Variants in ZBTB7C observed in about 807,000 individuals in gnomAD.
The protein encoded by ZBTB7C is zinc finger and BTB domain-containing protein 7C.
ZBTB7C carries 8 observed loss-of-function variants against 25.7 expected under a neutral mutation model. The observed-to-expected ratio is 0.31, with a 90% confidence interval of 0.18 to 0.56. The LOEUF is 0.56. ZBTB7C is among the 20% of genes least tolerant of loss of function. ZBTB7C has a pLI of 0.91. For missense variants in ZBTB7C, 824 were observed against 855.2 expected, an observed-to-expected ratio of 0.96 and a Z score of 0.46; for synonymous variants, 394 against 369.0, an observed-to-expected ratio of 1.07 and a Z score of -0.78.
At chr18:48,236,935 T>C (rs1261472077) in intron 2 of ZBTB7C, among the ~76,000 whole-genome samples, 1 of 152,126 alleles carries the variant, frequency 6.6e-6, no homozygotes, top group East Asian at 1.9e-4. Context: ...CAGGGGATCA[T>C]GGAGCAATCC....
chr18:48,285,615 G>A (rs117108460), intron 2 of ZBTB7C, among the ~76,000 whole-genome samples: 2 of 152,128 alleles, frequency 1.3e-5, no homozygotes, highest in Admixed American at 1.3e-4. Flanking sequence ...TCCTCTCAAA[G>A]TGCTGGGATT....
At chr18:48,177,700 T>G (rs1456131045) in intron 3 of ZBTB7C, among the ~76,000 whole-genome samples, 1 of 152,020 alleles carries the variant, frequency 6.6e-6, no homozygotes, top group East Asian at 2.0e-4. Context: ...TCCAAGAACT[T>G]GGGGCCAAGG....
chr18:48,204,770 C>G (rs1208340834), intron 2 of ZBTB7C, among the ~76,000 whole-genome samples: 1 of 152,190 alleles, frequency 6.6e-6, no homozygotes, highest in African/African-American at 2.4e-5. Context: ...TCCACCCTCT[C>G]TCCCAACACA....
At chr18:48,151,914 C>T (rs182163647) in intron 3 of ZBTB7C, among the ~76,000 whole-genome samples, 5 of 152,202 alleles carry the variant, frequency 3.3e-5, no homozygotes, top group African/African-American at 4.8e-5. Flanking sequence ...TGTAGATATG[C>T]GGGTGGGGAA....
chr18:48,077,062 CAAAAAAA>C (rs10539603), intron 3 of ZBTB7C: 3 of 400,382 alleles, frequency 7.5e-6, no homozygotes, highest in Non-Finnish European at 9.6e-6. Context: ...TTGTTATATG[CAAAAAAA>C]AAAAAAAAAA....
At chr18:48,206,833 G>T (rs2042586726) in intron 2 of ZBTB7C, among the ~76,000 whole-genome samples, 1 of 152,032 alleles carries the variant, frequency 6.6e-6, no homozygotes, top group South Asian at 2.1e-4. Context: ...GACAGAAAAA[G>T]CACTGACCAG....
chr18:48,040,622 C>G lies in ZBTB7C; in HGVS notation c.486G>C (p.Glu162Asp), dbSNP rs777637612. The G allele has an allele frequency of 3.1e-6, 5 of 1,613,160 alleles. No individual in the cohort carries two copies. Among genetic ancestry groups the G allele is most frequent in the Non-Finnish European group, 4.2e-6 (5 of 1,179,404 alleles). Reference protein sequence around the residue: ...EDEEEEEEEEEDDDDDTEDFA... With the variant: ...EDEEEEEEEEDDDDDDTEDFA... ...AGTCCTCCGTGTCATCATCGTCATC[C>G]TCCTCCTCTTCCTCCTCCTCCTCTT... Residue 162 changes from glutamate (E) to aspartate (D), a missense_variant, in exon 4 of 5, where the codon GAG becomes GAC. Transcript: ENST00000590800.
chr18:48,347,212 TCTC>T (rs1397994011), intron 1 of ZBTB7C, among the ~76,000 whole-genome samples: 1 of 138,418 alleles, frequency 7.2e-6, no homozygotes, highest in Non-Finnish European at 1.6e-5. Context: ...TTCAAGCCAT[TCTC>T]CTGCCACGGC....
chr18:48,082,468 C>A (rs1371013058), intron 3 of ZBTB7C, among the ~76,000 whole-genome samples: 1 of 152,162 alleles, frequency 6.6e-6, no homozygotes. Context: ...AGGGAAGCAA[C>A]GGGCTCAAAG....
intron 2 of ZBTB7C, among the ~76,000 whole-genome samples, chr18:48,324,634 G>A (rs1451911846): frequency 3.3e-5 from 5 of 152,114 alleles, no homozygotes; most frequent in Admixed American, 2.6e-4. Context: ...AGGCTGATGA[G>A]GTGAGCAGAA....
chr18:48,166,755 G>A (rs1039237937), intron 3 of ZBTB7C, among the ~76,000 whole-genome samples: 15 of 152,204 alleles, frequency 9.9e-5, no homozygotes, highest in Admixed American at 3.9e-4. Flanking sequence ...GGGGCGAGCC[G>A]TAGATGGACC....
intron 3 of ZBTB7C, among the ~76,000 whole-genome samples, chr18:48,087,081 A>G (rs2038218920): frequency 6.6e-6 from 1 of 152,164 alleles, no homozygotes; most frequent in Non-Finnish European, 1.5e-5. Context: ...TCTGCCCAGG[A>G]TTGTGCACAT....
chr18:48,181,086 G>C (rs1053644151), intron 3 of ZBTB7C, among the ~76,000 whole-genome samples: 11 of 152,172 alleles, frequency 7.2e-5, no homozygotes, highest in Non-Finnish European at 1.3e-4. Flanking sequence ...AATGTAAAAT[G>C]GTTGAAATAG....
intron 2 of ZBTB7C, among the ~76,000 whole-genome samples, chr18:48,257,507 A>T (rs1011120308): frequency 6.6e-6 from 1 of 152,180 alleles, no homozygotes; most frequent in African/African-American, 2.4e-5. Context: ...ATTCTACATG[A>T]GCTCTTCCAG....
At chr18:48,090,724 G>A (rs1406131166) in intron 3 of ZBTB7C, among the ~76,000 whole-genome samples, 3 of 148,382 alleles carry the variant, frequency 2.0e-5, no homozygotes, top group Admixed American at 1.3e-4. Context: ...TGCAGGATGG[G>A]ATCCTGCTCC....
At chr18:48,082,914 A>G (rs1466821658) in intron 3 of ZBTB7C, among the ~76,000 whole-genome samples, 1 of 152,204 alleles carries the variant, frequency 6.6e-6, no homozygotes, top group Non-Finnish European at 1.5e-5. Flanking sequence ...GTCAGGCCTC[A>G]TGTCCTGGAT....
intron 1 of ZBTB7C, among the ~76,000 whole-genome samples, chr18:48,363,252 T>C (rs2047151361): frequency 6.6e-6 from 1 of 152,122 alleles, no homozygotes; most frequent in Non-Finnish European, 1.5e-5. Context: ...AGTGTTTCTA[T>C]AGGAGGGTGG....
chr18:48,100,913 TG>T (rs984233998), intron 3 of ZBTB7C, among the ~76,000 whole-genome samples: 21 of 27,782 alleles, frequency 7.6e-4, no homozygotes, highest in Admixed American at 2.7e-3. Context: ...AGGGGACTGG[TG>T]GGGGGGCTGG....
At chr18:48,058,182 A>C (rs2036990791) in intron 3 of ZBTB7C, among the ~76,000 whole-genome samples, 1 of 152,242 alleles carries the variant, frequency 6.6e-6, no homozygotes, top group Non-Finnish European at 1.5e-5. Context: ...CTTATCTCAC[A>C]TATAGTAACT....
Sources: gnomAD v4.1 joint callset for allele counts (sites outside exome capture counted in the v4.1 genomes callset) on GRCh38, gnomAD v4.1.1 for gene constraint, MANE v1.5 for transcripts, NCBI Gene and HGNC (gene_info 2026-07-23, HGNC 2026-07-21) for gene names.